The following SLC25A21 variants were observed in gnomAD, a reference collection of about 807,000 sequenced individuals.
SLC25A21 encodes mitochondrial 2-oxodicarboxylate carrier.
A neutral mutation model predicts 43.8 loss-of-function variants in SLC25A21; 47 were observed. The observed-to-expected ratio is 1.07, with a 90% CI of 0.85 to 1.37. SLC25A21 has a LOEUF of 1.37. Among genes scored for constraint, SLC25A21 ranks in the 40% most tolerant of loss-of-function variants. The probability of loss-of-function intolerance (pLI) is 0.00; values close to 1 mark genes in which losing one functional copy is unlikely to be tolerated. For synonymous variants in SLC25A21, 131 were observed against 121.3 expected (o/e 1.08, Z -0.52); for missense variants, 352 against 350.2 (o/e 1.00, Z -0.04).
intron 1 of SLC25A21, among the ~76,000 whole-genome samples, chr14:36,902,775 T>C (rs1891430141): frequency 6.6e-6 from 1 of 152,014 alleles, no homozygotes. Context: ...GGTGGGACAA[T>C]TGCTTGAGGC....
chr14:36,966,792 T>C (rs1212671703), intron 1 of SLC25A21, among the ~76,000 whole-genome samples: 1 of 152,160 alleles, frequency 6.6e-6, no homozygotes, highest in East Asian at 1.9e-4. Context: ...CATGGAGCCC[T>C]TCTGGTTGGG....
chr14:37,161,937 T>C (rs1594825956), intron 1 of SLC25A21, among the ~76,000 whole-genome samples: 1 of 119,002 alleles, frequency 8.4e-6, no homozygotes, highest in Admixed American at 1.3e-4. Flanking sequence ...CACTCCGGCC[T>C]GGGCGACAGA....
In SLC25A21 at chr14:36,678,521, A is replaced by AGAT. The variant is rs1417007171; in HGVS notation, c.*2134_*2136dup. The AGAT allele has an allele frequency of 6.5e-7, 1 of 1,536,892 alleles. No individual in the cohort carries two copies. ...ATAGACTATAAACTGAATGGAACAAAGATCCAATCCAATATTTTGGTGGAG... is the reference window on the plus strand; with the variant it reads ...ATAGACTATAAACTGAATGGAACAAAGATGATCCAATCCAATATTTTGGTGGAG... On this transcript the variant is annotated 3_prime_UTR_variant, in exon 10 of 10. Transcript: ENST00000331299.
At chr14:36,924,284 C>T (rs1342257012) in intron 1 of SLC25A21, among the ~76,000 whole-genome samples, 3 of 152,100 alleles carry the variant, frequency 2.0e-5, no homozygotes, top group African/African-American at 4.8e-5. Flanking sequence ...CCCAAATGCC[C>T]ATCAATGATA....
At chr14:36,948,478 A>C (rs1437239327) in intron 1 of SLC25A21, among the ~76,000 whole-genome samples, 1 of 152,190 alleles carries the variant, frequency 6.6e-6, no homozygotes, top group African/African-American at 2.4e-5. Flanking sequence ...AACAGATAAA[A>C]ATAATAATAA....
intron 1 of SLC25A21, among the ~76,000 whole-genome samples, chr14:36,960,922 G>A (rs750009886): frequency 2.6e-5 from 4 of 152,210 alleles, no homozygotes; most frequent in African/African-American, 4.8e-5. Context: ...AGTGCACACA[G>A]TATGCACAAT....
chr14:36,961,832 C>T lies in SLC25A21; in HGVS notation c.71-86828G>A, dbSNP rs111872632. Among the ~76,000 whole-genome samples, 167 of 152,268 alleles carry T rather than the reference C, an allele frequency of 1.1e-3. 2 individuals carry two copies. The highest frequency in any genetic ancestry group is 3.7e-3 in the African/African-American group (152 of 41,560). ...TGGGGAGGTAAGTATTCTCTGATTCCTAAAATCCTCCAGGAGCTAGAGCAG... is the reference window on the plus strand; with the variant it reads ...TGGGGAGGTAAGTATTCTCTGATTCTTAAAATCCTCCAGGAGCTAGAGCAG... On this transcript the variant is annotated intron_variant, in intron 1 of 9. Transcript: ENST00000331299.
intron 4 of SLC25A21, among the ~76,000 whole-genome samples, chr14:36,731,505 A>C (rs1457665509): frequency 6.6e-6 from 1 of 152,162 alleles, no homozygotes; most frequent in Non-Finnish European, 1.5e-5. Flanking sequence ...CACAAGTAAG[A>C]CTTTTGAAAA....
chr14:37,163,048 A>G (rs1963973470), intron 1 of SLC25A21, among the ~76,000 whole-genome samples: 1 of 151,090 alleles, frequency 6.6e-6, no homozygotes, highest in East Asian at 2.0e-4. Flanking sequence ...AGAACAAAAA[A>G]CCAAACACCG....
At chr14:36,931,245 C>T (rs535390114) in intron 1 of SLC25A21, among the ~76,000 whole-genome samples, 11 of 152,194 alleles carry the variant, frequency 7.2e-5, no homozygotes, top group African/African-American at 2.2e-4. Flanking sequence ...CTCCCAACAG[C>T]GAGTAGGAAA....
intron 1 of SLC25A21, among the ~76,000 whole-genome samples, chr14:36,882,452 T>C (rs958564654): frequency 6.6e-6 from 1 of 152,172 alleles, no homozygotes; most frequent in East Asian, 1.9e-4. Context: ...TCCCCAGCCA[T>C]TGCAGCCATT....
intron 2 of SLC25A21, among the ~76,000 whole-genome samples, chr14:36,844,837 C>T (rs1263727936): frequency 6.6e-6 from 1 of 152,184 alleles, no homozygotes; most frequent in Non-Finnish European, 1.5e-5. Flanking sequence ...AATCATGAGC[C>T]TGAGAGACTG....
At chr14:36,688,732 G>A (rs1265313596) in intron 7 of SLC25A21, among the ~76,000 whole-genome samples, 2 of 152,182 alleles carry the variant, frequency 1.3e-5, no homozygotes, top group African/African-American at 2.4e-5. Context: ...AAAAATAAAC[G>A]TTGATTGAAG....
intron 3 of SLC25A21, among the ~76,000 whole-genome samples, chr14:36,811,198 T>C (rs144316185): frequency 3.7e-3 from 556 of 152,324 alleles, no homozygotes; most frequent in Admixed American, 9.8e-3. Flanking sequence ...CCATGAGGTA[T>C]ATTTTTATAT....
chr14:36,886,059 C>G (rs965370979), intron 1 of SLC25A21, among the ~76,000 whole-genome samples: 1 of 152,170 alleles, frequency 6.6e-6, no homozygotes. Context: ...TGGTTTCAAA[C>G]TGTGCAGATT....
chr14:36,728,701 A>G (rs1224753418), intron 5 of SLC25A21, among the ~76,000 whole-genome samples: 1 of 152,254 alleles, frequency 6.6e-6, no homozygotes, highest in African/African-American at 2.4e-5. Flanking sequence ...TATTTGGCAG[A>G]ATACATATCT....
In SLC25A21 at chr14:36,984,806, C is replaced by G. The variant is rs539089335; in HGVS notation, c.71-109802G>C. ...CAAGTGTCCCAGTTTATCCATTTGACCCAGCCATCCCATTACTGGGTATAT... is the reference window on the plus strand; with the variant it reads ...CAAGTGTCCCAGTTTATCCATTTGAGCCAGCCATCCCATTACTGGGTATAT... On this transcript the variant is annotated intron_variant, in intron 1 of 9. Transcript: ENST00000331299. 1.2e-3 allele frequency among the ~76,000 whole-genome samples: 178 copies of G among 152,032 alleles called. 1 individual carries two copies. Among genetic ancestry groups the G allele is most frequent in the Non-Finnish European group, 2.2e-3 (148 of 68,010 alleles).
At chr14:37,139,526 T>C (rs1028216846) in intron 1 of SLC25A21, among the ~76,000 whole-genome samples, 2 of 152,102 alleles carry the variant, frequency 1.3e-5, no homozygotes, top group Admixed American at 6.5e-5. Flanking sequence ...ATATTTTCAA[T>C]AGTAAAATAT....
At chr14:37,058,566 G>A (rs1054051604) in intron 1 of SLC25A21, among the ~76,000 whole-genome samples, 2 of 152,218 alleles carry the variant, frequency 1.3e-5, no homozygotes, top group Non-Finnish European at 2.9e-5. Flanking sequence ...ACAAGATGAT[G>A]TCTAAGGCCT....
Sources: allele counts gnomAD v4.1 joint callset (sites outside exome capture counted in the v4.1 genomes callset), GRCh38; gene constraint gnomAD v4.1.1; transcripts MANE v1.5; gene names NCBI Gene and HGNC (gene_info 2026-07-23, HGNC 2026-07-21).